The following AKAP6 variants were observed in gnomAD, a reference collection of about 807,000 sequenced individuals.
The protein encoded by AKAP6 is A-kinase anchor protein 6.
Under a neutral mutation model 188.5 loss-of-function variants are expected in AKAP6, and 58 were observed. The observed-to-expected ratio is 0.31, with a 90% confidence interval of 0.25 to 0.38. The LOEUF (loss-of-function observed/expected upper bound fraction) is 0.38. Ranked by LOEUF, AKAP6 falls within the 10% of genes least tolerant of loss-of-function variation. AKAP6 has a pLI of 1.00. For missense variants in AKAP6, 2,710 were observed against 2,740.0 expected, an observed-to-expected ratio of 0.99 and a Z score of 0.24; for synonymous variants, 989 against 998.6, an observed-to-expected ratio of 0.99 and a Z score of 0.18.
intron 11 of AKAP6, among the ~76,000 whole-genome samples, chr14:32,752,202 C>T (rs532938142): frequency 5.9e-5 from 9 of 152,226 alleles, no homozygotes; most frequent in Admixed American, 2.6e-4. Context: ...ACCATATGTG[C>T]GGAATAGCAA....
intron 2 of AKAP6, among the ~76,000 whole-genome samples, chr14:32,453,662 T>TCTCC (rs1021122749): frequency 7.5e-6 from 1 of 133,796 alleles, no homozygotes; most frequent in Non-Finnish European, 1.5e-5. Flanking sequence ...AGTGGCGCGA[T>TCTCC]CTCCGCTCAC....
chr14:32,794,330 G>T (rs1178676810), intron 12 of AKAP6, among the ~76,000 whole-genome samples: 1 of 152,148 alleles, frequency 6.6e-6, no homozygotes, highest in Non-Finnish European at 1.5e-5. Flanking sequence ...GGAGGCTGAG[G>T]TGGAAGGATC....
chr14:32,791,273 G>A (rs1028324256), intron 12 of AKAP6, among the ~76,000 whole-genome samples: 1 of 152,128 alleles, frequency 6.6e-6, no homozygotes. Flanking sequence ...AGCCTCTCCA[G>A]CATCTATTGT....
At chr14:32,787,667 C>T (rs2033463732) in intron 12 of AKAP6, among the ~76,000 whole-genome samples, 1 of 152,078 alleles carries the variant, frequency 6.6e-6, no homozygotes, top group Non-Finnish European at 1.5e-5. Context: ...TATGTAATTA[C>T]TTGTACTTAA....
chr14:32,409,987 G>T (rs1889429290), intron 1 of AKAP6, among the ~76,000 whole-genome samples: 1 of 152,080 alleles, frequency 6.6e-6, no homozygotes, highest in South Asian at 2.1e-4. Flanking sequence ...GTGTAACGTG[G>T]CCTGCTTTCC....
intron 2 of AKAP6, among the ~76,000 whole-genome samples, chr14:32,524,849 A>G (rs903722562): frequency 1.3e-5 from 2 of 152,176 alleles, no homozygotes; most frequent in African/African-American, 2.4e-5. Flanking sequence ...TGTGTGGTGC[A>G]TAGAACACCA....
At chr14:32,399,409 A>G (rs1381743770) in intron 1 of AKAP6, among the ~76,000 whole-genome samples, 2 of 152,142 alleles carry the variant, frequency 1.3e-5, no homozygotes, top group Non-Finnish European at 2.9e-5. Flanking sequence ...TTTTTCTCAA[A>G]TGCTCTCCCC....
intron 4 of AKAP6, among the ~76,000 whole-genome samples, chr14:32,549,748 G>A (rs1278894633): frequency 6.6e-6 from 1 of 152,230 alleles, no homozygotes; most frequent in Non-Finnish European, 1.5e-5. Flanking sequence ...AAGGCAGTAT[G>A]TGATTAGGAA....
chr14:32,768,741 A>G lies in AKAP6; in HGVS notation c.3373-4937A>G, dbSNP rs72669838. Among the ~76,000 whole-genome samples, 1,415 of 152,312 alleles carry G rather than the reference A, an allele frequency of 9.3e-3. 11 individuals are homozygous for G. The highest frequency in any genetic ancestry group is 0.013 in the Non-Finnish European group (886 of 68,024). On this transcript the variant is annotated intron_variant, in intron 11 of 13. Transcript: ENST00000280979. The stretch of plus-strand genomic sequence containing the variant: ...AAAACTAAGTTTCTTTATTTCCTGT[A>G]GACTAGTGTTCTCAAACTTTAGCAT...
At chr14:32,370,001 A>G (rs1032414644) in intron 1 of AKAP6, among the ~76,000 whole-genome samples, 6 of 152,252 alleles carry the variant, frequency 3.9e-5, no homozygotes, top group African/African-American at 1.4e-4. Flanking sequence ...ATTGCACTCC[A>G]GCCTGGGCGA....
At chr14:32,583,155 A>G (rs918662201) in intron 5 of AKAP6, among the ~76,000 whole-genome samples, 2 of 152,174 alleles carry the variant, frequency 1.3e-5, no homozygotes, top group African/African-American at 4.8e-5. Context: ...GGTGATGTAC[A>G]GATGGGTTTT....
intron 2 of AKAP6, among the ~76,000 whole-genome samples, chr14:32,460,560 G>A (rs769825675): frequency 2.6e-4 from 40 of 152,184 alleles, no homozygotes; most frequent in Admixed American, 1.6e-3. Context: ...CTTTTCCCAC[G>A]GTGTTTGTAA....
chr14:32,554,108 T>C (rs932525210), intron 4 of AKAP6, among the ~76,000 whole-genome samples: 7 of 152,276 alleles, frequency 4.6e-5, no homozygotes, highest in Non-Finnish European at 8.8e-5. Context: ...TAATAGGGAT[T>C]GGCAAATTAT....
chr14:32,824,671 G>A lies in AKAP6; in HGVS notation c.6858G>A (p.Gln2286=), dbSNP rs2140154989. 3 of 1,613,852 alleles carry A rather than the reference G, an allele frequency of 1.9e-6. No homozygotes were observed. Among genetic ancestry groups the A allele is most frequent in the Non-Finnish European group, 2.5e-6 (3 of 1,179,898 alleles). ...KVQDLSLKAN[Q]PTDKAALHPS... Reference sequence around the variant, plus strand: ...AAGACCTCTCCTTGAAGGCAAATCAGCCAACAGACAAGGCCGCATTGCATC... The same window carrying A: ...AAGACCTCTCCTTGAAGGCAAATCAACCAACAGACAAGGCCGCATTGCATC... The change falls in exon 13 of 14, where the codon CAG becomes CAA. Residue 2286 remains glutamine, a synonymous_variant. Transcript: ENST00000280979.
At chr14:32,555,813 T>C (rs776120940) in intron 4 of AKAP6, among the ~76,000 whole-genome samples, 2 of 152,202 alleles carry the variant, frequency 1.3e-5, no homozygotes, top group Non-Finnish European at 2.9e-5. Context: ...ATTATGTGTT[T>C]ATTCAACATT....
rs1884328521 is a variant in AKAP6, at chr14:32,568,858, T to C, written c.2347-8262T>C. ...AATGTTAACCTATTGTTTGTTCCAGTTTATTCCCATTTTTTTATTTGTACC... is the reference window on the plus strand; with the variant it reads ...AATGTTAACCTATTGTTTGTTCCAGCTTATTCCCATTTTTTTATTTGTACC... On this transcript the variant is annotated intron_variant, in intron 4 of 13. Coordinates refer to ENST00000280979, the MANE Select transcript of AKAP6 (RefSeq NM_004274.5). The surrounding 1 kb of genome is among the most constrained non-coding windows in gnomAD (Gnocchi z 6.2). Among the ~76,000 whole-genome samples the C allele has an allele frequency of 6.6e-6, 1 of 152,196 alleles. No individual in the cohort carries two copies. Among genetic ancestry groups the C allele is most frequent in the South Asian group, 2.1e-4 (1 of 4,830 alleles).
intron 1 of AKAP6, among the ~76,000 whole-genome samples, chr14:32,406,759 C>T (rs1889309583): frequency 6.6e-6 from 1 of 152,060 alleles, no homozygotes; most frequent in Non-Finnish European, 1.5e-5. Flanking sequence ...AGGAAGGCAG[C>T]TTACCCAGGA....
At chr14:32,805,161 A>G (rs1482369420) in intron 12 of AKAP6, among the ~76,000 whole-genome samples, 3 of 152,204 alleles carry the variant, frequency 2.0e-5, no homozygotes, top group African/African-American at 7.2e-5. Context: ...TAAGAGTATT[A>G]TTTGGGAACT....
chr14:32,791,597 T>G (rs1040637847), intron 12 of AKAP6, among the ~76,000 whole-genome samples: 3 of 152,202 alleles, frequency 2.0e-5, no homozygotes, highest in Non-Finnish European at 4.4e-5. Context: ...GATAGTTTCT[T>G]TTGCTGTGCA....
Sources: allele counts gnomAD v4.1 joint callset (sites outside exome capture counted in the v4.1 genomes callset), GRCh38; gene constraint gnomAD v4.1.1; non-coding constraint Gnocchi (gnomAD v3.1); transcripts MANE v1.5; gene names NCBI Gene and HGNC (gene_info 2026-07-23, HGNC 2026-07-21).